Variants in NLGN1 observed in about 807,000 individuals in gnomAD.
NLGN1 encodes the protein neuroligin-1.
NLGN1 carries 12 observed loss-of-function variants against 65.5 expected under a neutral mutation model. The ratio of observed to expected loss-of-function variants is 0.18; its 90% CI spans 0.12 to 0.30. The LOEUF (loss-of-function observed/expected upper bound fraction) is 0.30, where lower values mean the gene tolerates loss of function less well. Ranked by LOEUF, NLGN1 falls within the 10% of genes least tolerant of loss-of-function variation. The probability of loss-of-function intolerance (pLI) is 1.00; values close to 1 mark genes in which losing one functional copy is unlikely to be tolerated. For synonymous variants in NLGN1, 350 were observed against 359.5 expected (o/e 0.97, Z 0.30); for missense variants, 750 against 1,007.1 (o/e 0.74, Z 3.46).
At chr3:173,620,637 G>A (rs1577577142) in intron 3 of NLGN1, among the ~76,000 whole-genome samples, 3 of 152,192 alleles carry the variant, frequency 2.0e-5, no homozygotes, top group South Asian at 4.1e-4. Context: ...CAGATAAAAG[G>A]TAAGTTCTTG....
intron 2 of NLGN1, among the ~76,000 whole-genome samples, chr3:173,513,948 A>T (rs1733411072): frequency 6.6e-6 from 1 of 152,140 alleles, no homozygotes; most frequent in African/African-American, 2.4e-5. Context: ...GAATCGTTTG[A>T]ACCCAGTAGG....
At chr3:173,501,627 G>A (rs1335319522) in intron 2 of NLGN1, among the ~76,000 whole-genome samples, 1 of 150,934 alleles carries the variant, frequency 6.6e-6, no homozygotes, top group Non-Finnish European at 1.5e-5. Flanking sequence ...GGAGGAAAAT[G>A]TGAAGTGGCA....
chr3:174,198,912 G>C (rs761462683), intron 4 of NLGN1, among the ~76,000 whole-genome samples: 2 of 128,792 alleles, frequency 1.6e-5, no homozygotes, highest in Admixed American at 9.8e-5. Flanking sequence ...GCAATGCACT[G>C]TCTCAGCTCA....
intron 3 of NLGN1, among the ~76,000 whole-genome samples, chr3:173,696,354 G>A (rs1434435165): frequency 6.6e-6 from 1 of 152,086 alleles, no homozygotes; most frequent in Non-Finnish European, 1.5e-5. Context: ...TTGTAGCATA[G>A]TGGGAAAATG....
At chr3:173,639,060 A>G (rs1757021987) in intron 3 of NLGN1, among the ~76,000 whole-genome samples, 1 of 152,166 alleles carries the variant, frequency 6.6e-6, no homozygotes, top group Non-Finnish European at 1.5e-5. Context: ...GGGGTGAGGA[A>G]GTTGTACTGT....
chr3:174,173,529 G>A (rs1216294465), intron 4 of NLGN1, among the ~76,000 whole-genome samples: 2 of 151,974 alleles, frequency 1.3e-5, no homozygotes, highest in Non-Finnish European at 2.9e-5. Context: ...TTATTATGAA[G>A]GGATATGAAT....
chr3:173,733,757 A>C (rs948119112), intron 3 of NLGN1, among the ~76,000 whole-genome samples: 1 of 152,106 alleles, frequency 6.6e-6, no homozygotes, highest in African/African-American at 2.4e-5. Context: ...AAAAATGCAT[A>C]TGGTCCCAAA....
chr3:173,672,948 GTCAATAAACAATTGCTCTCT>G lies in NLGN1; in HGVS notation c.493+67858_493+67877del, dbSNP rs1199231418. ...GTAGGTTTTTGCTGGTTTAAGCCTT[GTCAATAAACAATTGCTCTCT>G]CAGAGTAAAGGGATTTAGAATGATG... On this transcript the variant is annotated intron_variant, in intron 3 of 6. Coordinates refer to ENST00000457714, the Ensembl canonical transcript of NLGN1. Among the ~76,000 whole-genome samples the G allele has an allele frequency of 1.9e-4, 29 of 152,216 alleles. No individual in the cohort carries two copies. In the Middle Eastern group the frequency reaches 0.01, roughly 54 times the overall value.
intron 2 of NLGN1, among the ~76,000 whole-genome samples, chr3:173,560,850 G>T (rs965279343): frequency 2.0e-5 from 3 of 152,032 alleles, no homozygotes; most frequent in Non-Finnish European, 2.9e-5. Context: ...AATTTGCAAG[G>T]TATCAACATA....
intron 2 of NLGN1, among the ~76,000 whole-genome samples, chr3:173,539,730 ATAT>A (rs1738349858): frequency 1.4e-5 from 2 of 140,190 alleles, no homozygotes; most frequent in South Asian, 2.2e-4. Context: ...ATATGCACAT[ATAT>A]ACATATATGT....
rs577824721 is a variant in NLGN1, at chr3:173,885,964, A to ATTAG, written c.646+78134_646+78137dup. 9.5e-4 allele frequency among the ~76,000 whole-genome samples: 145 copies of ATTAG among 152,214 alleles called. 2 individuals carry two copies. The East Asian group carries it at 0.024, about 26-fold the overall frequency. On this transcript the variant is annotated intron_variant, in intron 4 of 6. Coordinates refer to ENST00000457714, the Ensembl canonical transcript of NLGN1. ...ATTTCACATTTTCTTTACAGAACCT[A>ATTAG]TTAGTAAGAATAAATCTAAAACATG...
intron 4 of NLGN1, among the ~76,000 whole-genome samples, chr3:174,079,587 A>G (rs377106392): frequency 1.8e-4 from 27 of 152,328 alleles, no homozygotes; most frequent in Admixed American, 5.2e-4. Flanking sequence ...AGACATGCAT[A>G]TGTTCATTGC....
At chr3:173,640,008 A>T (rs1405601230) in intron 3 of NLGN1, among the ~76,000 whole-genome samples, 2 of 151,852 alleles carry the variant, frequency 1.3e-5, no homozygotes, top group African/African-American at 2.4e-5. Flanking sequence ...TGAAAGTCTA[A>T]ACTGCAATAT....
intron 4 of NLGN1, among the ~76,000 whole-genome samples, chr3:173,942,849 A>T (rs961210859): frequency 6.6e-6 from 1 of 152,226 alleles, no homozygotes; most frequent in African/African-American, 2.4e-5. Context: ...ATTTTCACAT[A>T]TTAATTTAAT....
At chr3:174,062,375 G>T (rs1398983162) in intron 4 of NLGN1, among the ~76,000 whole-genome samples, 1 of 152,010 alleles carries the variant, frequency 6.6e-6, no homozygotes, top group Non-Finnish European at 1.5e-5. Context: ...GTTTTATATA[G>T]AAACTGATTT....
At chr3:173,848,782 G>A (rs1442948565) in intron 4 of NLGN1, among the ~76,000 whole-genome samples, 1 of 152,086 alleles carries the variant, frequency 6.6e-6, no homozygotes, top group African/African-American at 2.4e-5. Context: ...CAATCTTTAT[G>A]TGAATTGATT....
chr3:173,814,037 G>A (rs2150490826), intron 4 of NLGN1, among the ~76,000 whole-genome samples: 1 of 152,354 alleles, frequency 6.6e-6, no homozygotes, highest in African/African-American at 2.4e-5. Context: ...GAGGCCGAGG[G>A]CTAGGCCTGT....
upstream of NLGN1, among the ~76,000 whole-genome samples, chr3:173,397,485 T>C (rs948057905): frequency 1.3e-5 from 2 of 152,062 alleles, no homozygotes; most frequent in Admixed American, 6.5e-5. Flanking sequence ...CCCGGCAGTT[T>C]GTAAATTGCC....
intron 3 of NLGN1, among the ~76,000 whole-genome samples, chr3:173,690,380 A>C (rs6776485): frequency 0.12 from 18,027 of 152,080 alleles, 1,102 homozygotes; most frequent in Middle Eastern, 0.27. Flanking sequence ...CTGCCTAGAC[A>C]CCTCCTTATT....
Sources: gnomAD v4.1 joint callset for allele counts (sites outside exome capture counted in the v4.1 genomes callset) on GRCh38, gnomAD v4.1.1 for gene constraint, MANE v1.5 for transcripts, NCBI Gene and HGNC (gene_info 2026-07-23, HGNC 2026-07-21) for gene names.